Variants in GLP2R observed in about 807,000 individuals in gnomAD.
GLP2R encodes glucagon like peptide 2 receptor.
GLP2R carries 59 observed loss-of-function variants against 68.2 expected under a neutral mutation model. The observed-to-expected ratio is 0.87, with a 90% CI of 0.70 to 1.07. The LOEUF (loss-of-function observed/expected upper bound fraction) is 1.07. GLP2R is among the 50% of genes least tolerant of loss of function. The probability of loss-of-function intolerance (pLI) is 0.00; values close to 1 mark genes in which losing one functional copy is unlikely to be tolerated. For missense variants in GLP2R, 548 were observed against 677.4 expected, an observed-to-expected ratio of 0.81 and a Z score of 2.12; for synonymous variants, 270 against 265.4, an observed-to-expected ratio of 1.02 and a Z score of -0.17.
chr17:9,865,737 A>C (rs928387629), intron 9 of GLP2R: 5 of 453,568 alleles, frequency 1.1e-5, no homozygotes, highest in African/African-American at 1.0e-4. Flanking sequence ...CCCTGCAATT[A>C]AAATAAGTCA....
rs944889674 is a variant in GLP2R, at chr17:9,826,007, G to A, written c.-57G>A. The A allele has an allele frequency of 3.0e-5, 42 of 1,399,320 alleles. No individual in the cohort carries two copies. Among genetic ancestry groups the A allele is most frequent in the Middle Eastern group, 2.4e-4 (1 of 4,114 alleles). 86.7% of individuals were successfully genotyped at this position (1,399,320 alleles called of 1,614,324 possible). A position where few individuals can be genotyped will look rare whatever the true frequency, so the allele number is the denominator to read the frequency against. On this transcript the variant is annotated 5_prime_UTR_variant, in exon 1 of 13. Transcript: ENST00000262441. ...AGGAATGCAAGAGGAGGCTGCCTGC[G>A]GTGCATCTTGGACGGCTAGAGAGAT...
At chr17:9,845,222 T>C (rs569508674) in intron 4 of GLP2R, among the ~76,000 whole-genome samples, 1 of 152,232 alleles carries the variant, frequency 6.6e-6, no homozygotes, top group Admixed American at 6.5e-5. Flanking sequence ...CCACATCTGG[T>C]ATTTTTTGTA....
chr17:9,853,188 G>T, intron 4 of GLP2R: 1 of 394,364 alleles, frequency 2.5e-6, no homozygotes, highest in Admixed American at 3.2e-5. Flanking sequence ...AAAGATAAGT[G>T]GTGTTCCTTT....
intron 1 of GLP2R, among the ~76,000 whole-genome samples, chr17:9,830,866 G>T (rs146870790): frequency 6.6e-6 from 1 of 152,348 alleles, no homozygotes; most frequent in African/African-American, 2.4e-5. Context: ...AGGAAATAAA[G>T]GTGGTGGCAT....
At chr17:9,831,634 A>G (rs1265720415) in intron 1 of GLP2R, among the ~76,000 whole-genome samples, 2 of 152,226 alleles carry the variant, frequency 1.3e-5, no homozygotes, top group Non-Finnish European at 2.9e-5. Context: ...ATGAGAAGTC[A>G]TGAAGGAGCA....
chr17:9,853,057 G>T, intron 4 of GLP2R: 2 of 515,316 alleles, frequency 3.9e-6, no homozygotes, highest in African/African-American at 1.9e-5. Context: ...GAAACCATTG[G>T]CTGTACAGAC....
intron 1 of GLP2R, among the ~76,000 whole-genome samples, chr17:9,833,218 C>T (rs1048089390): frequency 7.3e-5 from 11 of 151,272 alleles, no homozygotes; most frequent in Non-Finnish European, 1.3e-4. Context: ...GAGTTGAGAT[C>T]GCACCATTGC....
At chr17:9,887,459 G>C (rs529993129) in intron 11 of GLP2R, among the ~76,000 whole-genome samples, 2 of 152,256 alleles carry the variant, frequency 1.3e-5, no homozygotes, top group Non-Finnish European at 2.9e-5. Flanking sequence ...CTCGGGAGGC[G>C]GAGGTTGCAG....
At chr17:9,889,103 T>C (rs2067267734) in intron 12 of GLP2R, among the ~76,000 whole-genome samples, 1 of 152,152 alleles carries the variant, frequency 6.6e-6, no homozygotes, top group African/African-American at 2.4e-5. Context: ...ATCAAGCAGG[T>C]TTCAGCTCAC....
intron 1 of GLP2R, among the ~76,000 whole-genome samples, chr17:9,826,515 A>G (rs576379455): frequency 6.6e-6 from 1 of 152,228 alleles, no homozygotes; most frequent in African/African-American, 2.4e-5. Context: ...GGTCCCCCCA[A>G]CCAGCCCCGC....
chr17:9,859,597 C>T (rs911193533), intron 6 of GLP2R, among the ~76,000 whole-genome samples: 3 of 150,212 alleles, frequency 2.0e-5, no homozygotes, highest in Admixed American at 6.7e-5. Context: ...TCGAGACCAT[C>T]CTGGCCAACA....
At chr17:9,882,014 C>A (rs1456691062) in intron 11 of GLP2R, among the ~76,000 whole-genome samples, 1 of 148,412 alleles carries the variant, frequency 6.7e-6, no homozygotes, top group African/African-American at 2.5e-5. Flanking sequence ...CAATAGCAAC[C>A]ATTTTGGGAC....
chr17:9,873,975 C>T (rs1416400088), intron 10 of GLP2R, among the ~76,000 whole-genome samples: 1 of 152,126 alleles, frequency 6.6e-6, no homozygotes, highest in Non-Finnish European at 1.5e-5. Flanking sequence ...GATCACACAT[C>T]TCTGTCAGTA....
At chr17:9,862,674 A>T (rs1041713907) in intron 9 of GLP2R, among the ~76,000 whole-genome samples, 2 of 152,182 alleles carry the variant, frequency 1.3e-5, no homozygotes, top group African/African-American at 4.8e-5. Flanking sequence ...TGTGAGAATG[A>T]GAACTGTCAA....
At chr17:9,881,740 A>G (rs1056753412) in intron 11 of GLP2R, among the ~76,000 whole-genome samples, 1 of 152,176 alleles carries the variant, frequency 6.6e-6, no homozygotes, top group South Asian at 2.1e-4. Context: ...GCATTCTGTC[A>G]TTTAAAGCAA....
intron 3 of GLP2R, 24 bp downstream of exon 3, chr17:9,836,499 T>C (rs1467044551): frequency 2.1e-6 from 3 of 1,434,330 alleles, no homozygotes; most frequent in Non-Finnish European, 3.0e-6. Context: ...TTTTTACCAA[T>C]TTTCCCCAAC....
chr17:9,837,867 G>A (rs770671506), intron 3 of GLP2R, among the ~76,000 whole-genome samples: 3 of 152,176 alleles, frequency 2.0e-5, no homozygotes, highest in Admixed American at 1.3e-4. Flanking sequence ...ACCAGCTTCT[G>A]AGAGGGTAAG....
At chr17:9,834,197 T>C (rs897085547) in intron 2 of GLP2R, among the ~76,000 whole-genome samples, 1 of 152,112 alleles carries the variant, frequency 6.6e-6, no homozygotes, top group Admixed American at 6.5e-5. Context: ...CAAGATCACT[T>C]TGGCCATGTT....
At position 9,846,605 on chromosome 17, in the gene GLP2R, T is replaced by C. The variant is rs146067590; in HGVS notation, c.504+3989T>C. Among the ~76,000 whole-genome samples, 1,391 of 152,200 alleles carry C rather than the reference T, an allele frequency of 9.1e-3. 24 individuals carry two copies. Among genetic ancestry groups the C allele is most frequent in the African/African-American group, 0.032 (1,332 of 41,520 alleles). On this transcript the variant is annotated intron_variant, in intron 4 of 12. Coordinates refer to ENST00000262441, the MANE Select transcript of GLP2R (RefSeq NM_004246.3). ...CTGCACTCCAGCTTTGGTGACAGAGTGAGACTCTGTCTCAAAAAACAACGA... is the reference window on the plus strand; with the variant it reads ...CTGCACTCCAGCTTTGGTGACAGAGCGAGACTCTGTCTCAAAAAACAACGA...
Sources: allele counts gnomAD v4.1 joint callset (sites outside exome capture counted in the v4.1 genomes callset), GRCh38; gene constraint gnomAD v4.1.1; transcripts MANE v1.5; gene names NCBI Gene and HGNC (gene_info 2026-07-23, HGNC 2026-07-21).